FOXP2: variants seen among roughly 807,000 people sequenced by gnomAD.
FOXP2 encodes the protein forkhead box P2, also known as forkhead box protein P2.
In FOXP2, 12 loss-of-function variants were observed where a neutral mutation model predicts 115.8. The observed-to-expected ratio is 0.10, with a 90% confidence interval of 0.07 to 0.17. FOXP2 has a LOEUF of 0.17. Among genes scored for constraint, FOXP2 ranks in the 10% least tolerant of loss-of-function variants. The pLI is 1.00. For synonymous variants in FOXP2, 328 were observed against 297.7 expected, an observed-to-expected ratio of 1.10 and a Z score of -1.05; for missense variants, 629 against 843.5, an observed-to-expected ratio of 0.75 and a Z score of 3.15.
intron 2 of FOXP2, among the ~76,000 whole-genome samples, chr7:114,427,127 G>A (rs1391397936): frequency 1.3e-5 from 2 of 151,646 alleles, no homozygotes; most frequent in African/African-American, 4.8e-5. Context: ...TGCGTTAGCT[G>A]CAAATATTAG....
intron 1 of FOXP2, among the ~76,000 whole-genome samples, chr7:114,130,250 G>A (rs762294050): frequency 6.6e-6 from 1 of 152,172 alleles, no homozygotes; most frequent in Non-Finnish European, 1.5e-5. Flanking sequence ...TTGAGCCTGG[G>A]AGGCAGAGGT....
chr7:114,216,968 T>A (rs1794500931), intron 1 of FOXP2, among the ~76,000 whole-genome samples: 1 of 152,198 alleles, frequency 6.6e-6, no homozygotes, highest in Non-Finnish European at 1.5e-5. Flanking sequence ...ATAATCCCCT[T>A]ATTGACATTA....
chr7:114,114,004 A>G (rs1791340462), intron 1 of FOXP2, among the ~76,000 whole-genome samples: 1 of 152,092 alleles, frequency 6.6e-6, no homozygotes, highest in South Asian at 2.1e-4. Context: ...CATTCCACAA[A>G]GAATTTAAGA....
At chr7:114,650,806 T>G (rs567905289) in intron 8 of FOXP2, among the ~76,000 whole-genome samples, 1 of 151,952 alleles carries the variant, frequency 6.6e-6, no homozygotes, top group African/African-American at 2.4e-5. Flanking sequence ...TAGTCCACAG[T>G]TTCTCTTCAA....
chr7:114,660,869 T>G (rs1336290154), intron 13 of FOXP2, among the ~76,000 whole-genome samples: 2 of 152,152 alleles, frequency 1.3e-5, no homozygotes, highest in Non-Finnish European at 2.9e-5. Context: ...TAGCTTGGTC[T>G]CATCTCCACA....
chr7:114,539,562 A>G (rs988126222), intron 3 of FOXP2, among the ~76,000 whole-genome samples: 2 of 152,064 alleles, frequency 1.3e-5, no homozygotes, highest in African/African-American at 4.8e-5. Flanking sequence ...TTGATCATAA[A>G]AAAAAAGAAT....
rs1322173208 is a variant in FOXP2 at position 114,422,604 on chromosome 7, AG to A, written c.-10-3897del. Among the ~76,000 whole-genome samples the A allele has an allele frequency of 5.3e-5, 8 of 151,854 alleles. No individual in the cohort carries two copies. In the East Asian group the frequency reaches 1.2e-3, roughly 22 times the overall value. ...GAGTGGAAAAGAGATAGGGAGCATA[AG>A]AAACAGGGAAGGAGAAGAGATGAGA... On this transcript the variant is annotated intron_variant, in intron 1 of 16. Transcript: ENST00000350908.
chr7:114,244,770 T>C, intron 1 of FOXP2, among the ~76,000 whole-genome samples: 1 of 126,210 alleles, frequency 7.9e-6, no homozygotes, highest in East Asian at 1.9e-4. Context: ...TAGTGTTTTC[T>C]TTTTTTTTTG....
intron 1 of FOXP2, among the ~76,000 whole-genome samples, chr7:114,236,780 C>A (rs981052608): frequency 6.6e-6 from 1 of 152,098 alleles, no homozygotes; most frequent in Admixed American, 6.5e-5. Context: ...AGTTCAAGAC[C>A]AGCTTTGCCA....
chr7:114,327,941 G>A (rs879327966), intron 2 of FOXP2, among the ~76,000 whole-genome samples: 8 of 134,882 alleles, frequency 5.9e-5, no homozygotes, highest in African/African-American at 8.4e-5. Context: ...TTTAATTTTT[G>A]ATAGAGCCTC....
chr7:114,594,834 T>C (rs1454692064), intron 3 of FOXP2, among the ~76,000 whole-genome samples: 3 of 152,142 alleles, frequency 2.0e-5, no homozygotes, highest in African/African-American at 7.2e-5. Flanking sequence ...GGAGATAGAA[T>C]TAAATCTTCA....
intron 3 of FOXP2, among the ~76,000 whole-genome samples, chr7:114,539,130 T>C (rs1799532059): frequency 6.6e-6 from 1 of 151,890 alleles, no homozygotes; most frequent in African/African-American, 2.4e-5. Context: ...AGAAATTCTA[T>C]AGTAAACTAA....
At chr7:114,605,293 G>T (rs1803252754) in intron 3 of FOXP2, among the ~76,000 whole-genome samples, 1 of 152,030 alleles carries the variant, frequency 6.6e-6, no homozygotes. Flanking sequence ...ATTTCTATAT[G>T]AAATATGAGC....
intron 2 of FOXP2, among the ~76,000 whole-genome samples, chr7:114,522,729 T>C (rs1359992634): frequency 6.6e-6 from 1 of 152,150 alleles, no homozygotes; most frequent in Non-Finnish European, 1.5e-5. Flanking sequence ...TTGTATCTTA[T>C]TTTATTGAAA....
At chr7:114,455,396 C>G (rs1468231523) in intron 2 of FOXP2, among the ~76,000 whole-genome samples, 1 of 152,106 alleles carries the variant, frequency 6.6e-6, no homozygotes, top group East Asian at 1.9e-4. Context: ...ACAAAGACAA[C>G]CTTATTGCCT....
chr7:114,095,887 G>A (rs566322674), intron 1 of FOXP2, among the ~76,000 whole-genome samples: 68 of 152,266 alleles, frequency 4.5e-4, no homozygotes, highest in African/African-American at 1.6e-3. Flanking sequence ...CTCCAACTGT[G>A]GGAATACTAC....
At chr7:114,389,071 C>T (rs1792524984) in intron 2 of FOXP2, among the ~76,000 whole-genome samples, 1 of 152,192 alleles carries the variant, frequency 6.6e-6, no homozygotes. Context: ...GTATTGTACT[C>T]TCTTTAGCTA....
At chr7:114,634,267 A>G (rs1310748673) in intron 6 of FOXP2, among the ~76,000 whole-genome samples, 2 of 152,144 alleles carry the variant, frequency 1.3e-5, no homozygotes, top group Admixed American at 1.3e-4. Flanking sequence ...AAGTGCTAGG[A>G]TTACAGGCAT....
chr7:114,658,564 C>A (rs1806710194), intron 11 of FOXP2, among the ~76,000 whole-genome samples: 1 of 152,150 alleles, frequency 6.6e-6, no homozygotes, highest in Non-Finnish European at 1.5e-5. Context: ...TGAGGGAAGA[C>A]TAGCAATCCA....
Sources: gnomAD v4.1 joint callset for allele counts (sites outside exome capture counted in the v4.1 genomes callset) on GRCh38, gnomAD v4.1.1 for gene constraint, MANE v1.5 for transcripts, NCBI Gene and HGNC (gene_info 2026-07-23, HGNC 2026-07-21) for gene names.